Variants in EBF2 observed in about 807,000 individuals in gnomAD.
The protein encoded by EBF2 is EBF transcription factor 2.
EBF2 carries 21 observed loss-of-function variants against 72.8 expected under a neutral mutation model. The observed-to-expected ratio is 0.29, with a 90% CI of 0.20 to 0.42. The LOEUF (loss-of-function observed/expected upper bound fraction) is 0.42. Ranked by LOEUF, EBF2 falls within the 10% of genes least tolerant of loss-of-function variation. The pLI, the probability that EBF2 is intolerant of heterozygous loss-of-function variation, is 1.00. For synonymous variants in EBF2, 299 were observed against 274.2 expected, an observed-to-expected ratio of 1.09 and a Z score of -0.89; for missense variants, 637 against 731.2, an observed-to-expected ratio of 0.87 and a Z score of 1.49.
chr8:25,893,271 ATTTTTTTTTTTTT>A (rs201829098), intron 7 of EBF2, among the ~76,000 whole-genome samples: 6 of 111,444 alleles, frequency 5.4e-5, no homozygotes, highest in Non-Finnish European at 6.8e-5. Flanking sequence ...TAATTCTTCC[ATTTTTTTTTTTTT>A]TTTTTTTTTT....
intron 13 of EBF2, among the ~76,000 whole-genome samples, chr8:25,859,629 C>A (rs1334820407): frequency 6.6e-6 from 1 of 152,108 alleles, no homozygotes; most frequent in Non-Finnish European, 1.5e-5. Context: ...TAGGAAACAA[C>A]CCAAATTTGT....
chr8:25,883,982 A>G (rs1230379562), intron 10 of EBF2, among the ~76,000 whole-genome samples: 1 of 152,006 alleles, frequency 6.6e-6, no homozygotes, highest in Non-Finnish European at 1.5e-5. Context: ...TGGTGTTCCC[A>G]AGGCACCATA....
chr8:25,888,110 T>TAACAAAC, intron 8 of EBF2, 138 bp from the exon 9 acceptor site: 1 of 966,044 alleles, frequency 1.0e-6, no homozygotes, highest in African/African-American at 1.6e-5. Context: ...ACTGATGAGC[T>TAACAAAC]AACAAACAAC....
chr8:26,005,786 G>T (rs1321542360), intron 6 of EBF2, among the ~76,000 whole-genome samples: 1 of 145,492 alleles, frequency 6.9e-6, no homozygotes, highest in Non-Finnish European at 1.5e-5. Flanking sequence ...AGCCAAGATC[G>T]CACCACTGCA....
In EBF2 at chr8:25,889,846, A is replaced by C; in HGVS notation, c.657T>G (p.Asn219Lys). The change falls in exon 8 of 16, where the codon AAT becomes AAG. Residue 219 changes from asparagine to lysine, a missense_variant. By Grantham distance (94) the Asn-to-Lys change is moderately conservative (BLOSUM62 0). This residue lies in a region of EBF2 where 204 missense variants were observed against 301.2 expected (regional missense o/e 0.68). Transcript: ENST00000520164. ...RFQVVLSTTV[N>K]VDGHVLAVSD... is the part of the protein sequence containing the mutation. Reference sequence around the variant, plus strand: ...AAACAGCCAGGACGTGTCCATCCACATTCACCGTTGTTGACAACACAACCT... The same window carrying C: ...AAACAGCCAGGACGTGTCCATCCACCTTCACCGTTGTTGACAACACAACCT... 2.5e-6 allele frequency: 4 copies of C among 1,613,984 alleles called. No individual in the cohort carries two copies. The highest frequency in any genetic ancestry group is 3.4e-6 in the Non-Finnish European group (4 of 1,179,908).
At chr8:25,884,009 A>G (rs1351844514) in intron 10 of EBF2, among the ~76,000 whole-genome samples, 1 of 152,048 alleles carries the variant, frequency 6.6e-6, no homozygotes, top group African/African-American at 2.4e-5. Flanking sequence ...CTTCTCCACC[A>G]TATCATGGTG....
intron 6 of EBF2, among the ~76,000 whole-genome samples, chr8:26,002,808 G>T (rs1299800916): frequency 3.3e-5 from 5 of 150,686 alleles, no homozygotes; most frequent in Non-Finnish European, 5.9e-5. Context: ...TTGCAGATTT[G>T]ATGTTAAAGC....
intron 6 of EBF2, among the ~76,000 whole-genome samples, chr8:25,984,770 C>T (rs1233407001): frequency 1.3e-5 from 2 of 152,018 alleles, no homozygotes; most frequent in East Asian, 1.9e-4. Context: ...TTGATATCTA[C>T]ATTTTGGGAA....
chr8:25,858,542 C>G, intron 13 of EBF2, 38 bp from the exon 14 acceptor site: 1 of 1,579,896 alleles, frequency 6.3e-7, no homozygotes, highest in Non-Finnish European at 8.6e-7. Context: ...AATCAACAGG[C>G]GTGCACAGTC....
At chr8:26,002,060 T>C (rs752678385) in intron 6 of EBF2, among the ~76,000 whole-genome samples, 2 of 152,182 alleles carry the variant, frequency 1.3e-5, no homozygotes, top group Non-Finnish European at 2.9e-5. Flanking sequence ...GGCCTCAGTA[T>C]CACCCGACTT....
At chr8:25,862,618 A>T in intron 11 of EBF2, 91 bp downstream of exon 11, 1 of 981,164 alleles carries the variant, frequency 1.0e-6, no homozygotes, top group Non-Finnish European at 1.5e-6. Context: ...AGGCCTAATT[A>T]ATTTTAATGG....
At chr8:26,010,640 C>A (rs368868199) in intron 6 of EBF2, among the ~76,000 whole-genome samples, 1 of 152,108 alleles carries the variant, frequency 6.6e-6, no homozygotes, top group Non-Finnish European at 1.5e-5. Flanking sequence ...AGAGCTGCCT[C>A]GGAAAGCTCT....
At chr8:25,974,358 A>G (rs900492049) in intron 6 of EBF2, among the ~76,000 whole-genome samples, 1 of 152,188 alleles carries the variant, frequency 6.6e-6, no homozygotes, top group Non-Finnish European at 1.5e-5. Flanking sequence ...CCATCTCCAG[A>G]AAGTAAGAGT....
chr8:25,871,893 A>G (rs1041179691), intron 10 of EBF2, among the ~76,000 whole-genome samples: 8 of 152,110 alleles, frequency 5.3e-5, no homozygotes, highest in Admixed American at 2.6e-4. Context: ...ACTATAAGCA[A>G]TATGTGAATG....
At chr8:26,014,541 CT>C (rs1805077688) in intron 6 of EBF2, among the ~76,000 whole-genome samples, 1 of 152,166 alleles carries the variant, frequency 6.6e-6, no homozygotes, top group Admixed American at 6.5e-5. Flanking sequence ...ATTTATTTCT[CT>C]TTCAGAAACA....
intron 6 of EBF2, among the ~76,000 whole-genome samples, chr8:26,005,238 T>G (rs1339952021): frequency 1.1e-5 from 1 of 88,314 alleles, no homozygotes; most frequent in Non-Finnish European, 2.1e-5. Flanking sequence ...CTATATGTGA[T>G]ATATATACAT....
chr8:25,870,303 G>A (rs146648244), intron 10 of EBF2, among the ~76,000 whole-genome samples: 1,649 of 151,886 alleles, frequency 0.011, 43 homozygotes, highest in African/African-American at 0.038. Context: ...GATTTTCGTA[G>A]AGAAAACAGG....
intron 11 of EBF2, among the ~76,000 whole-genome samples, chr8:25,861,627 C>A (rs1282575866): frequency 1.3e-5 from 2 of 152,002 alleles, no homozygotes; most frequent in Admixed American, 1.3e-4. Flanking sequence ...CAAAAAACAA[C>A]CCAATTGAGA....
chr8:25,973,111 G>A (rs562380954), intron 6 of EBF2, among the ~76,000 whole-genome samples: 103 of 152,142 alleles, frequency 6.8e-4, no homozygotes, highest in African/African-American at 2.1e-3. Flanking sequence ...AGTTTCCAGG[G>A]TATGGAACAC....
Sources: gnomAD v4.1 joint callset for allele counts (sites outside exome capture counted in the v4.1 genomes callset) on GRCh38, gnomAD v4.1.1 for gene constraint, gnomAD v4.1.1 regional missense constraint, MANE v1.5 for transcripts, NCBI Gene and HGNC (gene_info 2026-07-23, HGNC 2026-07-21) for gene names.